Variants in DYNC1I1 observed in about 807,000 individuals in gnomAD.
The protein encoded by DYNC1I1 is cytoplasmic dynein 1 intermediate chain 1.
In DYNC1I1, 43 loss-of-function variants were observed where a neutral mutation model predicts 86.6. The observed-to-expected ratio is 0.50, with a 90% CI of 0.39 to 0.64. DYNC1I1 has a LOEUF of 0.64. Ranked by LOEUF, DYNC1I1 falls within the 30% of genes least tolerant of loss-of-function variation. DYNC1I1 has a pLI of 0.00. For missense variants in DYNC1I1, 604 were observed against 788.8 expected, an observed-to-expected ratio of 0.77 and a Z score of 2.81; for synonymous variants, 262 against 283.7, an observed-to-expected ratio of 0.92 and a Z score of 0.77.
intron 5 of DYNC1I1, among the ~76,000 whole-genome samples, chr7:95,835,864 G>T (rs1275173956): frequency 2.0e-5 from 3 of 152,198 alleles, no homozygotes; most frequent in Non-Finnish European, 2.9e-5. Flanking sequence ...GCCTATGTGT[G>T]TCTCTGCATG....
In DYNC1I1 at chr7:95,940,849, C is replaced by A. The variant is rs533112657; in HGVS notation, c.491-36663C>A. 1.3e-3 allele frequency among the ~76,000 whole-genome samples: 192 copies of A among 152,336 alleles called. 1 individual carries two copies. The highest frequency in any genetic ancestry group is 4.5e-3 in the African/African-American group (189 of 41,578). On this transcript the variant is annotated intron_variant, in intron 6 of 16. Coordinates refer to ENST00000447467, the MANE Select transcript of DYNC1I1 (RefSeq NM_001135556.2). ...TTGTTCCGTTGCTGGTGAGGAGCTA[C>A]GTTCCTTTGGAGGAGGAGAGGCACT... is the stretch of plus-strand genomic sequence containing the variant.
chr7:95,994,507 T>A (rs1185613604), intron 9 of DYNC1I1, among the ~76,000 whole-genome samples: 1 of 152,100 alleles, frequency 6.6e-6, no homozygotes, highest in Non-Finnish European at 1.5e-5. Flanking sequence ...CACCAAAGGG[T>A]CATCCCAGTG....
intron 5 of DYNC1I1, among the ~76,000 whole-genome samples, chr7:95,865,830 G>T (rs1195343440): frequency 6.6e-6 from 1 of 152,088 alleles, no homozygotes; most frequent in Non-Finnish European, 1.5e-5. Flanking sequence ...GCGTAAGTGC[G>T]GTCTGTGATA....
rs567043897 is a variant in DYNC1I1 at position 95,956,729 on chromosome 7, T to A, written c.491-20783T>A. On this transcript the variant is annotated intron_variant, in intron 6 of 16. Coordinates refer to ENST00000447467, the MANE Select transcript of DYNC1I1 (RefSeq NM_001135556.2). ...ACATGAACTCATTCTTTTTTATGGC[T>A]GCATAGTATTCAATGGTGTATATGT... 3.3e-5 allele frequency among the ~76,000 whole-genome samples: 5 copies of A among 152,350 alleles called. 1 individual carries two copies. The highest frequency in any genetic ancestry group is 9.6e-5 in the African/African-American group (4 of 41,582).
intron 8 of DYNC1I1, among the ~76,000 whole-genome samples, chr7:95,986,497 G>T (rs1173039255): frequency 6.6e-6 from 1 of 152,108 alleles, no homozygotes; most frequent in Non-Finnish European, 1.5e-5. Context: ...GAAGTGATAA[G>T]TATCTGGAAC....
intron 6 of DYNC1I1, among the ~76,000 whole-genome samples, chr7:95,961,399 A>G (rs947712162): frequency 2.0e-5 from 3 of 152,200 alleles, no homozygotes; most frequent in Non-Finnish European, 4.4e-5. Flanking sequence ...AGAAGAAAAT[A>G]ATAATTTCCA....
intron 1 of DYNC1I1, among the ~76,000 whole-genome samples, chr7:95,802,958 T>C (rs961187426): frequency 6.6e-6 from 1 of 152,198 alleles, no homozygotes; most frequent in African/African-American, 2.4e-5. Context: ...GTCCCAATTT[T>C]ACCTATTCCT....
intron 9 of DYNC1I1, among the ~76,000 whole-genome samples, chr7:95,992,846 C>T (rs1348434781): frequency 1.3e-5 from 2 of 152,152 alleles, no homozygotes; most frequent in Non-Finnish European, 2.9e-5. Flanking sequence ...AACTCCTGAC[C>T]TCAAGTGATC....
chr7:95,918,047 A>G (rs539700214), intron 6 of DYNC1I1, among the ~76,000 whole-genome samples: 1 of 152,292 alleles, frequency 6.6e-6, no homozygotes, highest in African/African-American at 2.4e-5. Flanking sequence ...AAAAATGTCT[A>G]TTTGAGTATC....
At chr7:95,807,850 G>A (rs1423145414) in intron 2 of DYNC1I1, among the ~76,000 whole-genome samples, 1 of 151,958 alleles carries the variant, frequency 6.6e-6, no homozygotes, top group Non-Finnish European at 1.5e-5. Context: ...CCCTTCACTT[G>A]TCTTTTTCTC....
chr7:95,846,208 C>A, intron 5 of DYNC1I1, among the ~76,000 whole-genome samples: 1 of 152,050 alleles, frequency 6.6e-6, no homozygotes. Context: ...ACCTTCCATC[C>A]TTACTATTCT....
intron 1 of DYNC1I1, among the ~76,000 whole-genome samples, chr7:95,780,220 A>G (rs533146456): frequency 6.6e-6 from 1 of 152,218 alleles, no homozygotes; most frequent in Admixed American, 6.5e-5. Flanking sequence ...TGAATAAATG[A>G]TGACACAATG....
intron 1 of DYNC1I1, among the ~76,000 whole-genome samples, chr7:95,787,820 G>A (rs906340100): frequency 1.3e-5 from 2 of 152,180 alleles, no homozygotes; most frequent in South Asian, 4.1e-4. Context: ...AGGGACAGTG[G>A]GTGGGGAATA....
intron 5 of DYNC1I1, among the ~76,000 whole-genome samples, chr7:95,832,080 A>C (rs1379394903): frequency 4.6e-4 from 67 of 145,140 alleles, no homozygotes; most frequent in Non-Finnish European, 1.5e-4. Context: ...AACTCGTCAT[A>C]TAGCATTAGG....
intron 10 of DYNC1I1, among the ~76,000 whole-genome samples, chr7:96,002,493 G>A (rs1478512498): frequency 6.6e-6 from 1 of 152,184 alleles, no homozygotes; most frequent in Non-Finnish European, 1.5e-5. Context: ...CCTTGAGCAA[G>A]TCAAATGGTT....
chr7:96,084,573 C>T (rs1450111669), intron 16 of DYNC1I1, among the ~76,000 whole-genome samples: 7 of 151,660 alleles, frequency 4.6e-5, no homozygotes, highest in Admixed American at 2.6e-4. Flanking sequence ...CAGGCGCATG[C>T]CACAACACCC....
chr7:95,975,019 C>A (rs117567484), intron 6 of DYNC1I1, among the ~76,000 whole-genome samples: 3,402 of 152,238 alleles, frequency 0.022, 52 homozygotes, highest in Non-Finnish European at 0.035. Flanking sequence ...CAGGCAGAGC[C>A]AGACAGAACT....
At chr7:95,848,183 T>G (rs963845808) in intron 5 of DYNC1I1, among the ~76,000 whole-genome samples, 9 of 151,422 alleles carry the variant, frequency 5.9e-5, no homozygotes, top group African/African-American at 2.2e-4. Context: ...GGTCCCTGAT[T>G]TACACTGGTG....
intron 6 of DYNC1I1, among the ~76,000 whole-genome samples, chr7:95,917,079 G>C (rs1791489964): frequency 6.6e-6 from 1 of 152,180 alleles, no homozygotes; most frequent in Non-Finnish European, 1.5e-5. Context: ...TTATGTGAAA[G>C]TTGTATTCAT....
Sources: allele counts gnomAD v4.1 joint callset (sites outside exome capture counted in the v4.1 genomes callset), GRCh38; gene constraint gnomAD v4.1.1; transcripts MANE v1.5; gene names NCBI Gene and HGNC (gene_info 2026-07-23, HGNC 2026-07-21).